Variants in DMXL1 observed in about 807,000 individuals in gnomAD.
DMXL1 encodes Dmx like 1, also known as dmX-like protein 1.
A neutral mutation model predicts 319.2 loss-of-function variants in DMXL1; 99 were observed. That is an observed-to-expected ratio of 0.31 (90% CI 0.26 to 0.37). The LOEUF (loss-of-function observed/expected upper bound fraction) is 0.37. Among genes scored for constraint, DMXL1 ranks in the 10% least tolerant of loss-of-function variants. The pLI, the probability that DMXL1 is intolerant of heterozygous loss-of-function variation, is 1.00. For missense variants in DMXL1, 3,745 were observed against 3,595.6 expected (o/e 1.04, Z -1.06); for synonymous variants, 1,385 against 1,235.2 (o/e 1.12, Z -2.54).
chr5:119,119,046 C>T (rs1355431041), intron 8 of DMXL1, 42 bp downstream of exon 8: 2 of 1,402,690 alleles, frequency 1.4e-6, no homozygotes, highest in Non-Finnish European at 1.9e-6. Context: ...GTTTTAAAAC[C>T]TTTGGTACAT....
intron 13 of DMXL1, among the ~76,000 whole-genome samples, chr5:119,136,109 T>G (rs1025660592): frequency 6.6e-6 from 1 of 152,240 alleles, no homozygotes; most frequent in Non-Finnish European, 1.5e-5. Flanking sequence ...CTGATGGAGA[T>G]GACGAACTTA....
At chr5:119,108,081 G>T (rs1023789877) in intron 4 of DMXL1, among the ~76,000 whole-genome samples, 1 of 152,080 alleles carries the variant, frequency 6.6e-6, no homozygotes, top group Non-Finnish European at 1.5e-5. Flanking sequence ...AGAAAACGAG[G>T]GCGAAGCATG....
rs200458602 is a variant in DMXL1, at chr5:119,219,560, A to ATTTATTT, written c.8014-912_8014-911insTTTATTT. 2.0e-3 allele frequency among the ~76,000 whole-genome samples: 304 copies of ATTTATTT among 151,126 alleles called. 2 individuals are homozygous for ATTTATTT. Among genetic ancestry groups the ATTTATTT allele is most frequent in the African/African-American group, 6.8e-3 (279 of 40,734 alleles). The stretch of plus-strand genomic sequence containing the variant: ...CTGTTTCAAAGATACACATTTAATT[A>ATTTATTT]ATTAATTAATTTATTTATTTATTTA... On this transcript the variant is annotated intron_variant, in intron 35 of 43. Coordinates refer to ENST00000539542, the MANE Select transcript of DMXL1 (RefSeq NM_001290321.3).
intron 33 of DMXL1, 75 bp downstream of exon 33, chr5:119,203,511 G>A (rs1781197684): frequency 1.2e-6 from 1 of 833,240 alleles, no homozygotes; most frequent in Non-Finnish European, 1.8e-6. Flanking sequence ...ATTAAAATGA[G>A]TTGTATTTTA....
At chr5:119,179,130 TA>T (rs1776351476) in intron 28 of DMXL1, among the ~76,000 whole-genome samples, 2 of 152,284 alleles carry the variant, frequency 1.3e-5, no homozygotes, top group South Asian at 4.1e-4. Context: ...TATCCCCGTT[TA>T]AAAACTTTCT....
intron 1 of DMXL1, among the ~76,000 whole-genome samples, chr5:119,095,566 G>A (rs1337555596): frequency 6.6e-6 from 1 of 152,140 alleles, no homozygotes; most frequent in Non-Finnish European, 1.5e-5. Flanking sequence ...GAAGACATGA[G>A]TTTTTTTATT....
chr5:119,152,463 A>C (rs1347230774), intron 19 of DMXL1, among the ~76,000 whole-genome samples: 1 of 152,222 alleles, frequency 6.6e-6, no homozygotes, highest in African/African-American at 2.4e-5. Context: ...CAGAATATTG[A>C]AAGTGTAAAT....
At chr5:119,215,507 A>C (rs1783523857) in intron 34 of DMXL1, among the ~76,000 whole-genome samples, 1 of 151,670 alleles carries the variant, frequency 6.6e-6, no homozygotes, top group South Asian at 2.1e-4. Context: ...ATTTCTAGTT[A>C]ATTTTTGTAA....
chr5:119,164,422 T>A (rs928862986), intron 19 of DMXL1, 85 bp from the exon 20 acceptor site: 33 of 1,224,734 alleles, frequency 2.7e-5, no homozygotes, highest in Non-Finnish European at 3.6e-5. Flanking sequence ...TACACATTTA[T>A]ATTGAAAATA....
chr5:119,202,907 T>TTATATATTTATATATATATA (rs1561865961), intron 32 of DMXL1, among the ~76,000 whole-genome samples: 1 of 120,258 alleles, frequency 8.3e-6, no homozygotes, highest in African/African-American at 3.1e-5. Context: ...ATATATATAT[T>TTATATATTTATATATATATA]TATATATTTT....
intron 25 of DMXL1, among the ~76,000 whole-genome samples, chr5:119,173,714 G>A (rs1466239212): frequency 7.2e-6 from 1 of 138,128 alleles, no homozygotes; most frequent in Non-Finnish European, 1.6e-5. Flanking sequence ...ATATATGTGT[G>A]TGTGTATATA....
chr5:119,194,269 A>G (rs1177822694), intron 30 of DMXL1, among the ~76,000 whole-genome samples: 2 of 152,190 alleles, frequency 1.3e-5, no homozygotes, highest in Non-Finnish European at 2.9e-5. Context: ...ATCATTCCTC[A>G]CAGATCTTGC....
intron 1 of DMXL1, among the ~76,000 whole-genome samples, chr5:119,074,708 C>T (rs1169322585): frequency 2.0e-5 from 3 of 152,226 alleles, no homozygotes; most frequent in Non-Finnish European, 4.4e-5. Context: ...ACCATCTCTC[C>T]TGTGCTTTCA....
intron 1 of DMXL1, among the ~76,000 whole-genome samples, chr5:119,094,648 C>T (rs1561562277): frequency 6.6e-6 from 1 of 152,154 alleles, no homozygotes; most frequent in East Asian, 1.9e-4. Context: ...AATGATTCCT[C>T]TGATTGATCT....
At chr5:119,225,529 T>C (rs1176912901) in intron 38 of DMXL1, among the ~76,000 whole-genome samples, 1 of 152,096 alleles carries the variant, frequency 6.6e-6, no homozygotes, top group Non-Finnish European at 1.5e-5. Context: ...TGTTAATTAA[T>C]GGGTATTCAT....
chr5:119,238,454 T>A (rs1034565935), intron 40 of DMXL1, among the ~76,000 whole-genome samples: 2 of 152,182 alleles, frequency 1.3e-5, no homozygotes, highest in African/African-American at 4.8e-5. Flanking sequence ...TGTTTTCTAA[T>A]TTTGATGACT....
At chr5:119,224,682 T>TA (rs1785219656) in intron 37 of DMXL1, 27 bp from the exon 38 acceptor site, 1 of 892,784 alleles carries the variant, frequency 1.1e-6, no homozygotes, top group Non-Finnish European at 1.6e-6. Flanking sequence ...TTATTATGCC[T>TA]ATAAAATAAT....
chr5:119,232,166 A>G (rs537648016), intron 38 of DMXL1, among the ~76,000 whole-genome samples: 1 of 152,180 alleles, frequency 6.6e-6, no homozygotes, highest in South Asian at 2.1e-4. Context: ...TAACGTTATA[A>G]ATAATAATAG....
At chr5:119,124,591 G>A (rs1411668904) in intron 9 of DMXL1, among the ~76,000 whole-genome samples, 3 of 126,244 alleles carry the variant, frequency 2.4e-5, no homozygotes, top group Non-Finnish European at 4.8e-5. Context: ...TTTTGAGACA[G>A]AGTCTTGCTC....
Sources: allele counts gnomAD v4.1 joint callset (sites outside exome capture counted in the v4.1 genomes callset), GRCh38; gene constraint gnomAD v4.1.1; transcripts MANE v1.5; gene names NCBI Gene and HGNC (gene_info 2026-07-23, HGNC 2026-07-21).